Variants in SLC12A9 observed in about 807,000 individuals in gnomAD.
SLC12A9 encodes the protein CCC-interacting protein 1.
In SLC12A9, 55 loss-of-function variants were observed where a neutral mutation model predicts 66.0. The ratio of observed to expected loss-of-function variants is 0.83; its 90% CI spans 0.67 to 1.04. The LOEUF (loss-of-function observed/expected upper bound fraction) is 1.04. Among genes scored for constraint, SLC12A9 ranks in the 50% least tolerant of loss-of-function variants. The pLI is 0.00. For synonymous variants in SLC12A9, 577 were observed against 569.0 expected, an observed-to-expected ratio of 1.01 and a Z score of -0.20; for missense variants, 1,061 against 1,241.9, an observed-to-expected ratio of 0.85 and a Z score of 2.19.
intron 1 of SLC12A9, among the ~76,000 whole-genome samples, chr7:100,842,381 G>C (rs1233237316): frequency 6.6e-6 from 1 of 152,136 alleles, no homozygotes; most frequent in Non-Finnish European, 1.5e-5. Flanking sequence ...CCAAGTCAAA[G>C]ACAGCTCTCT....
intron 1 of SLC12A9, among the ~76,000 whole-genome samples, chr7:100,835,369 A>G (rs933101521): frequency 7.4e-6 from 1 of 134,684 alleles, no homozygotes; most frequent in Non-Finnish European, 1.6e-5. Flanking sequence ...AAAAAAAAAA[A>G]TGCCGGGCGC....
chr7:100,849,169 C>T (rs1814000832), upstream of SLC12A9, among the ~76,000 whole-genome samples: 1 of 151,674 alleles, frequency 6.6e-6, no homozygotes, highest in South Asian at 2.1e-4. Flanking sequence ...TCAAGTGATC[C>T]TCCTGCTTCG....
chr7:100,854,499 G>T (rs1041597259), intron 2 of SLC12A9, 121 bp downstream of exon 2: 1 of 1,594,442 alleles, frequency 6.3e-7, no homozygotes, highest in East Asian at 2.2e-5. Context: ...TTGGCTGAAG[G>T]GTTTGGGGAG....
At chr7:100,829,528 G>T (rs975141682) in intron 1 of SLC12A9, among the ~76,000 whole-genome samples, 2 of 151,994 alleles carry the variant, frequency 1.3e-5, no homozygotes, top group African/African-American at 4.8e-5. Context: ...GGGGTGGGCC[G>T]GTCACCGAGG....
rs186664265 is a variant in SLC12A9 at position 100,860,971 on chromosome 7, G to C, written c.1219-167G>C. On this transcript the variant is annotated intron_variant, in intron 9 of 13. Transcript: ENST00000354161. ...ACTTTTGGGGTTTAATAGCATTTTG[G>C]GGGTTCATTGACACTTTGGGGGTGC... is the stretch of plus-strand genomic sequence containing the variant. 4.8e-6 allele frequency: 6 copies of C among 1,238,330 alleles called. No individual in the cohort carries two copies. In the African/African-American group the frequency reaches 8.9e-5, roughly 18 times the overall value. 76.7% of individuals were successfully genotyped at this position (1,238,330 alleles called of 1,614,324 possible).
At chr7:100,832,759 C>T (rs762484564) in intron 1 of SLC12A9, among the ~76,000 whole-genome samples, 10 of 152,072 alleles carry the variant, frequency 6.6e-5, no homozygotes, top group Admixed American at 3.3e-4. Context: ...TTCTCTCAAT[C>T]CAAAGATTTT....
intron 1 of SLC12A9, among the ~76,000 whole-genome samples, chr7:100,827,955 A>T (rs1562977238): frequency 6.6e-6 from 1 of 152,044 alleles, no homozygotes; most frequent in Non-Finnish European, 1.5e-5. Context: ...CGGACTCTAG[A>T]TGCCGCTCTT....
intron 1 of SLC12A9, among the ~76,000 whole-genome samples, chr7:100,843,533 C>T (rs1406969780): frequency 6.6e-6 from 1 of 152,214 alleles, no homozygotes; most frequent in East Asian, 1.9e-4. Flanking sequence ...AGTTTTAACC[C>T]AGACTGTAGG....
intron 5 of SLC12A9, chr7:100,857,513 G>T: frequency 3.8e-6 from 1 of 261,070 alleles, no homozygotes. Context: ...GCCTGACTAT[G>T]GGCTGGGGAG....
At chr7:100,835,354 T>TA (rs1813629649) in intron 1 of SLC12A9, among the ~76,000 whole-genome samples, 1 of 104,622 alleles carries the variant, frequency 9.6e-6, no homozygotes, top group African/African-American at 3.8e-5. Context: ...GGCTCTGTCT[T>TA]TAAAAAAAAA....
chr7:100,831,051 T>C (rs1384275127), intron 1 of SLC12A9, among the ~76,000 whole-genome samples: 1 of 152,230 alleles, frequency 6.6e-6, no homozygotes, highest in East Asian at 1.9e-4. Flanking sequence ...TGCTGTTCCC[T>C]ACCCAAAATA....
intron 1 of SLC12A9, among the ~76,000 whole-genome samples, chr7:100,846,691 T>C (rs1443008161): frequency 1.3e-5 from 2 of 152,178 alleles, no homozygotes; most frequent in African/African-American, 2.4e-5. Context: ...AAGTGAGAAC[T>C]TCCACTATTG....
At chr7:100,844,766 G>T (rs565108239) in intron 1 of SLC12A9, among the ~76,000 whole-genome samples, 2 of 152,118 alleles carry the variant, frequency 1.3e-5, no homozygotes, top group Non-Finnish European at 2.9e-5. Context: ...AGGAATCAAC[G>T]GGGCTGGACT....
At chr7:100,835,509 G>C (rs1813635629) in intron 1 of SLC12A9, among the ~76,000 whole-genome samples, 1 of 151,310 alleles carries the variant, frequency 6.6e-6, no homozygotes, top group Non-Finnish European at 1.5e-5. Flanking sequence ...AATTAGCTGG[G>C]TGTGGTGGTA....
chr7:100,833,577 TGGGA>T (rs903424388), intron 1 of SLC12A9, among the ~76,000 whole-genome samples: 1 of 150,790 alleles, frequency 6.6e-6, no homozygotes, highest in African/African-American at 2.4e-5. Context: ...GAGGCCGAGG[TGGGA>T]GGATCACTTG....
At chr7:100,827,662 G>C (rs1813451802) in intron 1 of SLC12A9, 1 of 152,284 alleles carries the variant, frequency 6.6e-6, no homozygotes, top group Non-Finnish European at 1.5e-5. Flanking sequence ...GGGAAGCGGA[G>C]AGGGGCACCG....
chr7:100,835,945 A>G (rs1339735991), intron 1 of SLC12A9, among the ~76,000 whole-genome samples: 1 of 152,208 alleles, frequency 6.6e-6, no homozygotes, highest in Non-Finnish European at 1.5e-5. Flanking sequence ...CAGAGCTAAG[A>G]ACGACTGTTC....
intron 9 of SLC12A9, 44 bp downstream of exon 9, chr7:100,860,276 CT>C (rs1472150536): frequency 6.3e-7 from 1 of 1,584,746 alleles, no homozygotes; most frequent in East Asian, 2.2e-5. Flanking sequence ...ACCCCACCAG[CT>C]GGCAGGATGG....
In SLC12A9 at chr7:100,860,001, C is replaced by T. The variant is rs149149897; in HGVS notation, c.1094C>T (p.Ala365Val). Residue 365 changes from alanine to valine, a missense_variant, in exon 8 of 14, where the codon GCC becomes GTC. By Grantham distance (64) the Ala-to-Val change is moderately conservative. Coordinates refer to ENST00000354161, the MANE Select transcript of SLC12A9 (RefSeq NM_020246.4). Reference sequence around the variant, plus strand: ...GCGTCCATGAGCTCGCTCATTGGTGCCTCCCGCATCCTCCATGCCCTGGCC... The same window carrying T: ...GCGTCCATGAGCTCGCTCATTGGTGTCTCCCGCATCCTCCATGCCCTGGCC... The part of the protein sequence containing the change: ...LSASMSSLIG[A>V]SRILHALARD... 3.8e-5 allele frequency: 62 copies of T among 1,613,336 alleles called. No homozygotes were observed. The highest frequency in any genetic ancestry group is 4.6e-5 in the Non-Finnish European group (54 of 1,179,396).
Sources: gnomAD v4.1 joint callset for allele counts (sites outside exome capture counted in the v4.1 genomes callset) on GRCh38, gnomAD v4.1.1 for gene constraint, MANE v1.5 for transcripts, NCBI Gene and HGNC (gene_info 2026-07-23, HGNC 2026-07-21) for gene names.